TLL1: variants seen among roughly 807,000 people sequenced by gnomAD.
TLL1 encodes tolloid like 1.
TLL1 carries 49 observed loss-of-function variants against 128.2 expected under a neutral mutation model. The observed-to-expected ratio is 0.38, with a 90% CI of 0.30 to 0.48. The LOEUF (loss-of-function observed/expected upper bound fraction) is 0.48. Ranked by LOEUF, TLL1 falls within the 20% of genes least tolerant of loss-of-function variation. TLL1 has a pLI of 0.96. For missense variants in TLL1, 1,123 were observed against 1,242.0 expected, an observed-to-expected ratio of 0.90 and a Z score of 1.44; for synonymous variants, 454 against 418.8, an observed-to-expected ratio of 1.08 and a Z score of -1.03.
chr4:166,063,954 C>A (rs1006996311), intron 15 of TLL1, among the ~76,000 whole-genome samples: 1 of 151,518 alleles, frequency 6.6e-6, no homozygotes, highest in Non-Finnish European at 1.5e-5. Flanking sequence ...ATGTAACAAA[C>A]TTCACGTTGT....
chr4:165,889,995 G>T (rs1731326316), intron 1 of TLL1, among the ~76,000 whole-genome samples: 1 of 152,128 alleles, frequency 6.6e-6, no homozygotes, highest in Non-Finnish European at 1.5e-5. Flanking sequence ...AGTTCATTCA[G>T]TATGGCTGGG....
Position 166,102,193 on chromosome 4 carries a change from C to T in TLL1, c.*1317C>T, listed in dbSNP as rs1472427625. The T allele has an allele frequency of 1.3e-5, 2 of 152,376 alleles. No homozygotes were observed. Among genetic ancestry groups the T allele is most frequent in the Admixed American group, 6.6e-5 (1 of 15,238 alleles). The allele number at this position is 152,376 out of a possible 1,614,324, so 9.4% of individuals were successfully genotyped here. On this transcript the variant is annotated 3_prime_UTR_variant, in exon 21 of 21. Transcript: ENST00000061240. Reference sequence around the variant, plus strand: ...TCAAACAGATCCTCCTAAAACACACCTTTTGAAATGTTGAACATAATAGTG... The same window carrying T: ...TCAAACAGATCCTCCTAAAACACACTTTTTGAAATGTTGAACATAATAGTG...
At chr4:165,924,330 A>G (rs536793080) in intron 1 of TLL1, among the ~76,000 whole-genome samples, 3 of 152,298 alleles carry the variant, frequency 2.0e-5, no homozygotes, top group African/African-American at 7.2e-5. Flanking sequence ...AGGACATTAA[A>G]AGTGCTACTC....
chr4:165,979,971 A>C (rs1278084760), intron 1 of TLL1, among the ~76,000 whole-genome samples: 1 of 152,140 alleles, frequency 6.6e-6, no homozygotes, highest in Non-Finnish European at 1.5e-5. Context: ...TGAACGTGAC[A>C]ATCAGAAAGG....
Position 165,929,956 on chromosome 4 carries a change from C to CT in TLL1, c.169+55892dup, listed in dbSNP as rs34185025. On this transcript the variant is annotated intron_variant, in intron 1 of 20. Coordinates refer to ENST00000061240, the MANE Select transcript of TLL1 (RefSeq NM_012464.5). ...GAAGTAGTCTGACATTTGGCAAACT[C>CT]TTTTTTTTTCCCACCAGAAACTAAA... Among the ~76,000 whole-genome samples, 173 of 151,526 alleles carry CT rather than the reference C, an allele frequency of 1.1e-3. 1 individual carries two copies. The highest frequency in any genetic ancestry group is 2.1e-3 in the Non-Finnish European group (142 of 67,826).
rs370111962 is a variant in TLL1 at position 166,091,334 on chromosome 4, T to G, written c.2649T>G (p.His883Gln). 79 of 1,612,146 alleles carry G rather than the reference T, an allele frequency of 4.9e-5. No homozygotes were observed. The highest frequency in any genetic ancestry group is 6.5e-5 in the Non-Finnish European group (77 of 1,179,018). Residue 883 changes from histidine to glutamine, a missense_variant, in exon 19 of 21, where the codon CAT becomes CAG. By Grantham distance (24) the His-to-Gln change is conservative. Coordinates refer to ENST00000061240, the MANE Select transcript of TLL1 (RefSeq NM_012464.5). ...SVQRKGFQAT[H>Q]STECGGRLKA... ...AAAGAAAAGGCTTTCAAGCTACACA[T>G]TCTACAGGTCAGCAAATTCAAGTCA...
At position 165,994,500 on chromosome 4, in the gene TLL1, G is replaced by A. The variant is rs116343169; in HGVS notation, c.481G>A (p.Val161Ile). The change falls in exon 4 of 21, where the codon GTT (valine) becomes ATT (isoleucine). Residue 161 changes from valine to isoleucine, a missense_variant. Around this residue, in one of 3 missense-constraint regions of TLL1, gnomAD observed 480 missense variants for 542.4 expected, o/e 0.89. Transcript: ENST00000061240. ...AACGGAAAGAATATGGCCTGGAGGC[G>A]TTATTCCTTATGTTATAGGAGGAAA... ...SRTERIWPGG[V>I]IPYVIGGNFT... is the part of the protein sequence containing the mutation. The A allele has an allele frequency of 7.6e-5, 122 of 1,613,966 alleles. No individual in the cohort carries two copies. The highest frequency in any genetic ancestry group is 9.3e-5 in the Non-Finnish European group (110 of 1,179,930).
At chr4:165,945,951 A>C (rs1734226357) in intron 1 of TLL1, among the ~76,000 whole-genome samples, 1 of 152,172 alleles carries the variant, frequency 6.6e-6, no homozygotes, top group African/African-American at 2.4e-5. Flanking sequence ...TAATCACATA[A>C]AGCTCTTAAA....
intron 1 of TLL1, among the ~76,000 whole-genome samples, chr4:165,889,186 A>T (rs13135355): frequency 9.2e-5 from 14 of 151,992 alleles, no homozygotes; most frequent in Admixed American, 7.9e-4. Context: ...ATCATCAGGG[A>T]ACTTTGTTAC....
At chr4:165,916,183 C>T (rs1436504434) in intron 1 of TLL1, among the ~76,000 whole-genome samples, 2 of 152,150 alleles carry the variant, frequency 1.3e-5, no homozygotes, top group Non-Finnish European at 2.9e-5. Context: ...CTTGGAACCC[C>T]AGAGATAGGG....
At chr4:166,017,558 G>A (rs190140629) in intron 8 of TLL1, among the ~76,000 whole-genome samples, 12 of 152,284 alleles carry the variant, frequency 7.9e-5, no homozygotes, top group African/African-American at 2.9e-4. Context: ...CCTAACAACA[G>A]TGTGTAAGCA....
chr4:166,007,620 G>A (rs1737498209), intron 6 of TLL1, among the ~76,000 whole-genome samples: 1 of 151,656 alleles, frequency 6.6e-6, no homozygotes, highest in South Asian at 2.1e-4. Context: ...GTAATTATTT[G>A]TACATTACCA....
chr4:165,968,598 A>G (rs918887463), intron 1 of TLL1, among the ~76,000 whole-genome samples: 1 of 152,184 alleles, frequency 6.6e-6, no homozygotes, highest in Non-Finnish European at 1.5e-5. Context: ...ATTTAAGTGA[A>G]TGTGGAAGTA....
chr4:165,919,958 TG>T (rs1732971542), intron 1 of TLL1: 1 of 401,124 alleles, frequency 2.5e-6, no homozygotes, highest in Non-Finnish European at 5.0e-6. Flanking sequence ...CTTCCTAATT[TG>T]GGGGGCTAAA....
At chr4:166,047,571 T>G (rs990557080) in intron 12 of TLL1, among the ~76,000 whole-genome samples, 1 of 151,060 alleles carries the variant, frequency 6.6e-6, no homozygotes, top group African/African-American at 2.4e-5. Flanking sequence ...TTGTCCATCA[T>G]GCTGTTGAAA....
intron 1 of TLL1, among the ~76,000 whole-genome samples, chr4:165,960,485 C>T (rs1735041869): frequency 6.6e-6 from 1 of 152,070 alleles, no homozygotes; most frequent in Non-Finnish European, 1.5e-5. Context: ...TATCCTGATA[C>T]CAAAATCTGG....
intron 17 of TLL1, among the ~76,000 whole-genome samples, chr4:166,076,808 C>T (rs568518395): frequency 6.6e-6 from 1 of 152,162 alleles, no homozygotes; most frequent in Non-Finnish European, 1.5e-5. Flanking sequence ...TGAATTTTAC[C>T]TTCCACTTTA....
intron 15 of TLL1, among the ~76,000 whole-genome samples, chr4:166,063,824 C>T (rs953857710): frequency 5.3e-5 from 8 of 152,014 alleles, no homozygotes; most frequent in Admixed American, 2.0e-4. Context: ...GGGAACATCA[C>T]GCCACACACC....
chr4:166,031,528 T>C (rs1337073908), intron 9 of TLL1, among the ~76,000 whole-genome samples: 1 of 151,784 alleles, frequency 6.6e-6, no homozygotes, highest in South Asian at 2.1e-4. Flanking sequence ...CCACCTCACG[T>C]GGCTAATTTT....
Sources: allele counts gnomAD v4.1 joint callset (sites outside exome capture counted in the v4.1 genomes callset), GRCh38; gene constraint gnomAD v4.1.1; regional missense constraint gnomAD v4.1.1; transcripts MANE v1.5; gene names NCBI Gene and HGNC (gene_info 2026-07-23, HGNC 2026-07-21).